RTL4: variants seen among roughly 807,000 people sequenced by gnomAD.
RTL4 encodes the protein retrotransposon Gag like 4, also known as retrotransposon Gag-like protein 4.
In RTL4, 4 loss-of-function variants were observed where a neutral mutation model predicts 5.3. The observed-to-expected ratio is 0.75, with a 90% CI of 0.37 to 1.72. The LOEUF (loss-of-function observed/expected upper bound fraction) is 1.72. Ranked by LOEUF, RTL4 falls within the 40% of genes most tolerant of loss-of-function variation. The probability of loss-of-function intolerance (pLI) is 0.04; values close to 1 mark genes in which losing one functional copy is unlikely to be tolerated. For synonymous variants in RTL4, 98 were observed against 87.3 expected (o/e 1.12, Z -0.68); for missense variants, 260 against 227.1 (o/e 1.14, Z -0.93).
the RTL4 span, among the ~76,000 whole-genome samples, chrX:112,311,043 G>A: frequency 1.9e-5 from 2 of 106,885 alleles, no homozygotes; most frequent in Non-Finnish European, 3.8e-5. Flanking sequence ...AGTTTAAGAA[G>A]CACTACTAGG....
At chrX:112,441,475 A>G in the RTL4 span, among the ~76,000 whole-genome samples, 19 of 111,958 alleles carry the variant, frequency 1.7e-4, no homozygotes, top group Non-Finnish European at 3.4e-4. Context: ...CAAATGGCTC[A>G]TGGCCCTTCA....
At chrX:112,303,674 G>T in the RTL4 span, among the ~76,000 whole-genome samples, 1 of 94,640 alleles carries the variant, frequency 1.1e-5, no homozygotes, top group Non-Finnish European at 2.0e-5. Context: ...GAGTTAGTGG[G>T]TGCAGCACAC....
the RTL4 span, among the ~76,000 whole-genome samples, chrX:112,302,257 T>TCAA: frequency 1.5e-5 from 1 of 68,367 alleles, no homozygotes; most frequent in Non-Finnish European, 2.6e-5. Context: ...CAAGACTCTG[T>TCAA]TAAAAAAAAA....
the RTL4 span, among the ~76,000 whole-genome samples, chrX:112,112,885 T>C: frequency 9.0e-6 from 1 of 111,592 alleles, no homozygotes; most frequent in Non-Finnish European, 1.9e-5. Flanking sequence ...AAGGCATCCT[T>C]GAGGTCCAGA....
At chrX:112,178,499 C>G in the RTL4 span, among the ~76,000 whole-genome samples, 1 of 111,909 alleles carries the variant, frequency 8.9e-6, no homozygotes, top group African/African-American at 3.2e-5. Context: ...GCTGTGAACA[C>G]TAGGGGAAAC....
the RTL4 span, among the ~76,000 whole-genome samples, chrX:112,254,925 A>G: frequency 8.9e-6 from 1 of 112,248 alleles, no homozygotes; most frequent in Non-Finnish European, 1.9e-5. Context: ...ATAGTTTTAT[A>G]TGGAGTAAAG....
At chrX:112,267,971 T>C in the RTL4 span, among the ~76,000 whole-genome samples, 2 of 111,661 alleles carry the variant, frequency 1.8e-5, no homozygotes, top group Non-Finnish European at 3.8e-5. Flanking sequence ...TTCTCTTCTA[T>C]ACTCCTACAT....
the RTL4 span, among the ~76,000 whole-genome samples, chrX:112,182,752 T>C: frequency 8.9e-6 from 1 of 112,227 alleles, no homozygotes; most frequent in Admixed American, 9.4e-5. Context: ...CTTCAGGATA[T>C]TATCCAGAAC....
chrX:112,267,910 T>C, the RTL4 span, among the ~76,000 whole-genome samples: 3 of 111,680 alleles, frequency 2.7e-5, no homozygotes, highest in Non-Finnish European at 5.6e-5. Context: ...GTCCAAAACA[T>C]GATGTCATGT....
chrX:112,441,182 C>T, the RTL4 span, among the ~76,000 whole-genome samples: 5 of 110,865 alleles, frequency 4.5e-5, no homozygotes, highest in East Asian at 1.4e-3. Context: ...TAATAGGAAC[C>T]TCTTTTTTTT....
At chrX:112,328,346 G>A in the RTL4 span, among the ~76,000 whole-genome samples, 1 of 110,707 alleles carries the variant, frequency 9.0e-6, no homozygotes, top group African/African-American at 3.3e-5. Flanking sequence ...AAAAAAGGCA[G>A]GGGTTGCAAT....
chrX:112,106,323 G>T, the RTL4 span, among the ~76,000 whole-genome samples: 1 of 111,564 alleles, frequency 9.0e-6, no homozygotes, highest in Non-Finnish European at 1.9e-5. Context: ...TCTTTGTTTG[G>T]CTTTGGTATC....
chrX:112,114,890 C>G, the RTL4 span, among the ~76,000 whole-genome samples: 1 of 111,473 alleles, frequency 9.0e-6, no homozygotes, highest in Non-Finnish European at 1.9e-5. Context: ...CAGAAAAGGT[C>G]AAGCTGCAGG....
chrX:112,202,537 C>T, the RTL4 span, among the ~76,000 whole-genome samples: 1 of 97,155 alleles, frequency 1.0e-5, no homozygotes, highest in Non-Finnish European at 2.1e-5. Flanking sequence ...TAGTTTTATT[C>T]ATTATTATTA....
chrX:112,353,284 A>C, the RTL4 span, among the ~76,000 whole-genome samples: 1 of 111,465 alleles, frequency 9.0e-6, no homozygotes, highest in Non-Finnish European at 1.9e-5. Context: ...GCGATTCCTC[A>C]GGGATCTAGA....
the RTL4 span, among the ~76,000 whole-genome samples, chrX:112,326,814 C>T: frequency 0.061 from 6,835 of 111,278 alleles, 211 homozygotes; most frequent in East Asian, 0.16. Context: ...GATCTGAGAA[C>T]GGGCAGACTG....
the RTL4 span, among the ~76,000 whole-genome samples, chrX:112,262,864 A>G: frequency 1.8e-5 from 2 of 110,962 alleles, no homozygotes; most frequent in African/African-American, 6.6e-5. Flanking sequence ...CTATGCAGTC[A>G]TAAAAAAGGA....
the RTL4 span, among the ~76,000 whole-genome samples, chrX:112,305,480 A>G: frequency 0.064 from 7,023 of 109,630 alleles, 560 homozygotes; most frequent in African/African-American, 0.22. Context: ...CTCCTGCCTC[A>G]GCCTCCCAAG....
chrX:112,336,980 G>A, the RTL4 span, among the ~76,000 whole-genome samples: 16 of 112,003 alleles, frequency 1.4e-4, no homozygotes, highest in Admixed American at 1.5e-3. Context: ...TTCACATGTT[G>A]TGAAATTCTC....
Sources: allele counts gnomAD v4.1 joint callset (sites outside exome capture counted in the v4.1 genomes callset), GRCh38; gene constraint gnomAD v4.1.1; transcripts MANE v1.5; gene names NCBI Gene and HGNC (gene_info 2026-07-23, HGNC 2026-07-21).